NTRK3: variants seen among roughly 807,000 people sequenced by gnomAD.
The protein encoded by NTRK3 is neurotrophic receptor tyrosine kinase 3.
In NTRK3, 24 loss-of-function variants were observed where a neutral mutation model predicts 91.7. The observed-to-expected ratio is 0.26, with a 90% confidence interval of 0.19 to 0.37. NTRK3 has a LOEUF of 0.37. NTRK3 is among the 10% of genes least tolerant of loss of function. The probability of loss-of-function intolerance (pLI) is 1.00; values close to 1 mark genes in which losing one functional copy is unlikely to be tolerated. For missense variants in NTRK3, 880 were observed against 1,068.9 expected, an observed-to-expected ratio of 0.82 and a Z score of 2.46; for synonymous variants, 483 against 404.0, an observed-to-expected ratio of 1.20 and a Z score of -2.34.
At chr15:88,230,527 C>T (rs1429551998) in intron 3 of NTRK3, among the ~76,000 whole-genome samples, 1 of 152,140 alleles carries the variant, frequency 6.6e-6, no homozygotes, top group African/African-American at 2.4e-5. Context: ...CAGCTTTCCT[C>T]AAAGAAGAGT....
intron 5 of NTRK3, among the ~76,000 whole-genome samples, chr15:88,157,229 T>TCA (rs143575786): frequency 0.013 from 2,022 of 151,876 alleles, 21 homozygotes; most frequent in Non-Finnish European, 0.022. Context: ...CTTCCCTCTC[T>TCA]CACACACACA....
intron 13 of NTRK3, among the ~76,000 whole-genome samples, chr15:88,096,167 G>T (rs921173340): frequency 6.6e-6 from 1 of 152,026 alleles, no homozygotes; most frequent in Non-Finnish European, 1.5e-5. Context: ...GCTGTTCTCC[G>T]AGATGCTAAC....
intron 5 of NTRK3, among the ~76,000 whole-genome samples, chr15:88,177,043 G>C (rs1449654444): frequency 6.6e-6 from 1 of 152,164 alleles, no homozygotes; most frequent in African/African-American, 2.4e-5. Context: ...GGTCAGATGG[G>C]CCAACAGGGA....
chr15:88,195,087 T>C (rs968870639), intron 3 of NTRK3, among the ~76,000 whole-genome samples: 4 of 152,218 alleles, frequency 2.6e-5, no homozygotes, highest in Non-Finnish European at 2.9e-5. Flanking sequence ...ATTGTCACTA[T>C]TGGGGCGGTG....
At chr15:88,238,304 TC>T (rs1487246864) in intron 3 of NTRK3, among the ~76,000 whole-genome samples, 1 of 152,188 alleles carries the variant, frequency 6.6e-6, no homozygotes, top group Non-Finnish European at 1.5e-5. Flanking sequence ...AAATCATAAA[TC>T]TAGTGGGTAT....
chr15:88,084,250 C>T (rs377149917), intron 13 of NTRK3, among the ~76,000 whole-genome samples: 2 of 152,116 alleles, frequency 1.3e-5, no homozygotes, highest in African/African-American at 2.4e-5. Flanking sequence ...TGTCCCACTG[C>T]CCCCTCACTC....
intron 14 of NTRK3, among the ~76,000 whole-genome samples, chr15:87,964,405 T>G (rs1194094641): frequency 6.6e-6 from 1 of 150,842 alleles, no homozygotes; most frequent in Non-Finnish European, 1.5e-5. Flanking sequence ...CTATGTATTA[T>G]ATACAAGCAT....
chr15:88,205,695 C>T (rs1166663442), intron 3 of NTRK3: 1 of 152,186 alleles, frequency 6.6e-6, no homozygotes, highest in Non-Finnish European at 1.5e-5. Context: ...CCGGTTTGGC[C>T]CCTACTCGTT....
chr15:87,893,972 T>G (rs1423190369), intron 17 of NTRK3, among the ~76,000 whole-genome samples: 1 of 152,234 alleles, frequency 6.6e-6, no homozygotes, highest in Non-Finnish European at 1.5e-5. Flanking sequence ...GGTAAAACCT[T>G]GGCAACATAT....
chr15:87,897,206 T>C (rs1033573527), intron 17 of NTRK3, among the ~76,000 whole-genome samples: 1 of 152,152 alleles, frequency 6.6e-6, no homozygotes, highest in African/African-American at 2.4e-5. Context: ...TCCCCAGTTC[T>C]CTTACCTAGA....
At chr15:87,918,650 A>AT (rs1338456624) in intron 17 of NTRK3, among the ~76,000 whole-genome samples, 1 of 152,118 alleles carries the variant, frequency 6.6e-6, no homozygotes, top group Non-Finnish European at 1.5e-5. Flanking sequence ...AGAGCAACAC[A>AT]TTTTTATCTG....
chr15:88,128,879 T>C, intron 10 of NTRK3, 145 bp from the exon 11 acceptor site: 1 of 751,978 alleles, frequency 1.3e-6, no homozygotes. Flanking sequence ...GCATGGCACA[T>C]CACCCGTCTC....
At chr15:88,151,172 G>C (rs1378176165) in intron 5 of NTRK3, among the ~76,000 whole-genome samples, 1 of 152,146 alleles carries the variant, frequency 6.6e-6, no homozygotes, top group South Asian at 2.1e-4. Context: ...ACGAGATGAT[G>C]CATCAAACTC....
At chr15:88,203,361 C>A (rs188156122) in intron 3 of NTRK3, among the ~76,000 whole-genome samples, 7 of 152,120 alleles carry the variant, frequency 4.6e-5, no homozygotes, top group African/African-American at 1.4e-4. Flanking sequence ...TGTCTCCTAC[C>A]GCATGACTCA....
chr15:88,132,524 C>G (rs796180507), intron 10 of NTRK3, among the ~76,000 whole-genome samples: 4 of 152,342 alleles, frequency 2.6e-5, no homozygotes, highest in African/African-American at 9.6e-5. Flanking sequence ...GGACCTGCAC[C>G]TAAGTCTGTC....
chr15:88,003,281 G>C (rs1439902475), intron 14 of NTRK3, among the ~76,000 whole-genome samples: 1 of 152,158 alleles, frequency 6.6e-6, no homozygotes, highest in Non-Finnish European at 1.5e-5. Context: ...ACAATACTAT[G>C]AACCTGTAGA....
At chr15:88,188,062 G>A (rs947569716) in intron 3 of NTRK3, among the ~76,000 whole-genome samples, 1 of 152,146 alleles carries the variant, frequency 6.6e-6, no homozygotes, top group Non-Finnish European at 1.5e-5. Flanking sequence ...ATCCCTGCCC[G>A]GACATCTTAC....
At chr15:88,200,676 C>A (rs2048228261) in intron 3 of NTRK3, among the ~76,000 whole-genome samples, 1 of 152,166 alleles carries the variant, frequency 6.6e-6, no homozygotes, top group African/African-American at 2.4e-5. Flanking sequence ...TGTAAGTTTC[C>A]TGAAGCCTCC....
intron 5 of NTRK3, among the ~76,000 whole-genome samples, chr15:88,179,891 GAAGA>G (rs1567594243): frequency 2.6e-5 from 4 of 152,214 alleles, no homozygotes; most frequent in Non-Finnish European, 5.9e-5. Flanking sequence ...AGTGTACAAT[GAAGA>G]AAGACGCTGG....
Sources: gnomAD v4.1 joint callset for allele counts (sites outside exome capture counted in the v4.1 genomes callset) on GRCh38, gnomAD v4.1.1 for gene constraint, MANE v1.5 for transcripts, NCBI Gene and HGNC (gene_info 2026-07-23, HGNC 2026-07-21) for gene names.